LVRN: variants seen among roughly 807,000 people sequenced by gnomAD.
LVRN encodes aminopeptidase Q.
In LVRN, 99 loss-of-function variants were observed where a neutral mutation model predicts 111.4. That is an observed-to-expected ratio of 0.89 (90% CI 0.76 to 1.05). The LOEUF is 1.05. Ranked by LOEUF, LVRN falls within the 50% of genes least tolerant of loss-of-function variation. The pLI, the probability that LVRN is intolerant of heterozygous loss-of-function variation, is 0.00. For missense variants in LVRN, 1,414 were observed against 1,206.8 expected, an observed-to-expected ratio of 1.17 and a Z score of -2.54; for synonymous variants, 488 against 449.5, an observed-to-expected ratio of 1.09 and a Z score of -1.08.
At chr5:115,966,238 C>G (rs1174218874) in intron 1 of LVRN, among the ~76,000 whole-genome samples, 4 of 152,246 alleles carry the variant, frequency 2.6e-5, no homozygotes, top group African/African-American at 7.2e-5. Flanking sequence ...CTAATCATCT[C>G]TAACCCCTGA....
intron 14 of LVRN, 144 bp from the exon 15 acceptor site, chr5:116,012,230 T>C: frequency 7.1e-6 from 4 of 560,830 alleles, no homozygotes; most frequent in South Asian, 3.8e-5. Flanking sequence ...ACCAGTTATA[T>C]ATTTAGTAAC....
chr5:116,021,534 A>G (rs529443285), intron 18 of LVRN: 1 of 238,436 alleles, frequency 4.2e-6, no homozygotes, highest in Admixed American at 5.6e-5. Flanking sequence ...AAACAGCAGC[A>G]CTATTTTCCC....
rs114608228 is a variant in LVRN, at chr5:116,017,372, T to G, written c.2756+1607T>G. On this transcript the variant is annotated intron_variant, in intron 18 of 19. Transcript: ENST00000357872. The stretch of plus-strand genomic sequence containing the variant: ...TCTTGTTTCTAACTGGTGTCGTATG[T>G]GAAGCACACACAGGCTGTCCTGATT... 3.8e-3 allele frequency among the ~76,000 whole-genome samples: 579 copies of G among 152,300 alleles called. 4 individuals are homozygous for G. The highest frequency in any genetic ancestry group is 0.013 in the African/African-American group (539 of 41,558).
chr5:116,021,662 A>C (rs1414628427), intron 18 of LVRN: 1 of 438,296 alleles, frequency 2.3e-6, no homozygotes, highest in Non-Finnish European at 4.5e-6. Context: ...TGGTCAGTCC[A>C]TTATAATAAC....
intron 13 of LVRN, among the ~76,000 whole-genome samples, chr5:116,006,732 G>C (rs775847595): frequency 5.3e-5 from 8 of 152,012 alleles, no homozygotes; most frequent in Admixed American, 2.0e-4. Context: ...ATTTTATTAC[G>C]TATCTGTAGA....
intron 13 of LVRN, among the ~76,000 whole-genome samples, chr5:116,006,201 A>C (rs1748371320): frequency 6.6e-6 from 1 of 152,200 alleles, no homozygotes; most frequent in Admixed American, 6.5e-5. Flanking sequence ...TGATGGCTAT[A>C]ATTTTAATGC....
chr5:115,981,546 G>A (rs1267067794), intron 1 of LVRN, among the ~76,000 whole-genome samples: 9 of 151,922 alleles, frequency 5.9e-5, no homozygotes, highest in Admixed American at 5.9e-4. Flanking sequence ...TGGAGAATGG[G>A]GTATCCATCC....
rs757924612 is a variant in LVRN, at chr5:116,022,422, T to C, written c.2788T>C (p.Tyr930His). Residue 930 changes from tyrosine (Y) to histidine (H), a missense_variant, in exon 19 of 20, where the codon TAT becomes CAT. By Grantham distance (83) the Tyr-to-His change is moderately conservative (BLOSUM62 2). Coordinates refer to ENST00000357872, the MANE Select transcript of LVRN (RefSeq NM_173800.5). ...YGTQSLINLI[Y>H]TIGRTVTTDL... ...AACACAATCATTGATTAATCTAATA[T>C]ATACAATAGGGAGAACCGTAACTAC... 4.4e-6 allele frequency: 7 copies of C among 1,573,068 alleles called. No homozygotes were observed. Among genetic ancestry groups the C allele is most frequent in the Middle Eastern group, 1.7e-4 (1 of 5,958 alleles).
chr5:116,010,985 A>C (rs969703718), intron 14 of LVRN, 91 bp downstream of exon 14: 2 of 853,946 alleles, frequency 2.3e-6, no homozygotes, highest in Admixed American at 9.5e-5. Context: ...GGTCTTTTCC[A>C]AAGTAATAGT....
chr5:115,975,456 G>C (rs917535653), intron 1 of LVRN: 7 of 183,990 alleles, frequency 3.8e-5, no homozygotes, highest in African/African-American at 1.7e-4. Context: ...TAAAGAGTTA[G>C]CTCCTGAGTG....
intron 16 of LVRN, among the ~76,000 whole-genome samples, chr5:116,014,968 C>G (rs1748569341): frequency 6.6e-6 from 1 of 152,046 alleles, no homozygotes; most frequent in African/African-American, 2.4e-5. Context: ...CGGATGGACT[C>G]TTAGGAAACA....
chr5:115,976,409 T>C (rs1317694604), intron 1 of LVRN: 1 of 152,222 alleles, frequency 6.6e-6, no homozygotes, highest in African/African-American at 2.4e-5. Flanking sequence ...GCTTCATTGA[T>C]TTTCTCTATT....
rs1386092713 is a variant in LVRN, at chr5:115,983,436, A to C, written c.838+7A>C. ...TCCAACATGCCAAAGCTAGGTAAGT[A>C]ATGCTTTCTGTCTATATCTAGCTGT... On this transcript the variant is annotated splice_region_variant and intron_variant, in intron 2 of 19. Coordinates refer to ENST00000357872, the MANE Select transcript of LVRN (RefSeq NM_173800.5). 18 of 1,591,676 alleles carry C rather than the reference A, an allele frequency of 1.1e-5. No individual in the cohort carries two copies. The highest frequency in any genetic ancestry group is 1.5e-5 in the Non-Finnish European group (18 of 1,172,766).
chr5:116,005,812 C>G, intron 12 of LVRN, 100 bp from the exon 13 acceptor site: 1 of 939,486 alleles, frequency 1.1e-6, no homozygotes, highest in South Asian at 1.3e-5. Flanking sequence ...CGTGAAGGTG[C>G]TTTATAGGCA....
At chr5:115,984,536 T>A in intron 2 of LVRN, 34 bp from the exon 3 acceptor site, 1 of 1,608,898 alleles carries the variant, frequency 6.2e-7, no homozygotes, top group Non-Finnish European at 8.5e-7. Flanking sequence ...TTGCTTAGAT[T>A]TGCTGTGATT....
chr5:116,021,960 C>T (rs142111561), intron 18 of LVRN, among the ~76,000 whole-genome samples: 160 of 152,214 alleles, frequency 1.1e-3, no homozygotes, highest in African/African-American at 2.5e-3. Context: ...CCAAAAAGCA[C>T]GCATAAATAC....
intron 18 of LVRN, among the ~76,000 whole-genome samples, chr5:116,017,127 A>G (rs1748618104): frequency 6.6e-6 from 1 of 152,162 alleles, no homozygotes; most frequent in South Asian, 2.1e-4. Flanking sequence ...ACAGTTGCAA[A>G]TCTCCTCCTT....
At chr5:115,963,567 A>T (rs907300240) in intron 1 of LVRN, among the ~76,000 whole-genome samples, 11 of 152,212 alleles carry the variant, frequency 7.2e-5, no homozygotes, top group African/African-American at 2.7e-4. Flanking sequence ...ATTAAGAAAT[A>T]TACCCATTAG....
chr5:115,997,728 G>T (rs17138617), intron 6 of LVRN, among the ~76,000 whole-genome samples: 15,351 of 152,034 alleles, frequency 0.1, 1,029 homozygotes, highest in South Asian at 0.23. Flanking sequence ...ACAAAGTAAT[G>T]GTGAATATAC....
Sources: allele counts gnomAD v4.1 joint callset (sites outside exome capture counted in the v4.1 genomes callset), GRCh38; gene constraint gnomAD v4.1.1; transcripts MANE v1.5; gene names NCBI Gene and HGNC (gene_info 2026-07-23, HGNC 2026-07-21).